Variants in CEP85L observed in about 807,000 individuals in gnomAD.
The protein encoded by CEP85L is centrosomal protein of 85 kDa-like.
In CEP85L, 60 loss-of-function variants were observed where a neutral mutation model predicts 100.3. That is an observed-to-expected ratio of 0.60 (90% CI 0.49 to 0.74). The LOEUF is 0.74. CEP85L is among the 30% of genes least tolerant of loss of function. CEP85L has a pLI of 0.00. For synonymous variants in CEP85L, 319 were observed against 322.7 expected (o/e 0.99, Z 0.12); for missense variants, 973 against 936.2 (o/e 1.04, Z -0.51).
At chr6:118,505,129 T>C (rs2114686075) in intron 5 of CEP85L, among the ~76,000 whole-genome samples, 1 of 151,984 alleles carries the variant, frequency 6.6e-6, no homozygotes, top group African/African-American at 2.4e-5. Flanking sequence ...AAAATAAAAT[T>C]CATAAATTTT....
At chr6:118,632,103 C>A (rs1774201798) in intron 2 of CEP85L, among the ~76,000 whole-genome samples, 1 of 152,102 alleles carries the variant, frequency 6.6e-6, no homozygotes, top group Non-Finnish European at 1.5e-5. Flanking sequence ...CATTCTCGTG[C>A]CTCAGCCTCT....
chr6:118,474,786 G>A (rs1367404567), intron 10 of CEP85L, among the ~76,000 whole-genome samples: 2 of 152,216 alleles, frequency 1.3e-5, no homozygotes, highest in African/African-American at 4.8e-5. Flanking sequence ...GCAACAGTGT[G>A]ATGACAAAGC....
chr6:118,562,921 GTGT>G (rs1484392216), intron 3 of CEP85L, among the ~76,000 whole-genome samples: 1 of 152,170 alleles, frequency 6.6e-6, no homozygotes, highest in African/African-American at 2.4e-5. Context: ...ACGTGTAGAA[GTGT>G]TTATCCTCCA....
At chr6:118,549,716 T>C (rs1275561746) in intron 3 of CEP85L, among the ~76,000 whole-genome samples, 2 of 151,916 alleles carry the variant, frequency 1.3e-5, no homozygotes, top group Non-Finnish European at 1.5e-5. Flanking sequence ...ATGTTATTTG[T>C]GCATTTTTAT....
At chr6:118,496,317 T>C (rs932604559) in intron 5 of CEP85L, among the ~76,000 whole-genome samples, 7 of 152,280 alleles carry the variant, frequency 4.6e-5, no homozygotes, top group African/African-American at 1.4e-4. Flanking sequence ...TCATCTCTTA[T>C]ACACAGAAGT....
chr6:118,666,587 G>C (rs1776140664), intron 1 of CEP85L, among the ~76,000 whole-genome samples: 1 of 152,128 alleles, frequency 6.6e-6, no homozygotes, highest in Non-Finnish European at 1.5e-5. Context: ...TAGAAACAGA[G>C]ATAACTACCC....
chr6:118,670,689 T>C (rs1184622926), intron 1 of CEP85L, among the ~76,000 whole-genome samples: 1 of 152,238 alleles, frequency 6.6e-6, no homozygotes. Context: ...ATAGACAGTT[T>C]TGTTTTAAGC....
intron 10 of CEP85L, 119 bp downstream of exon 10, chr6:118,479,752 G>A (rs1773641688): frequency 4.2e-6 from 2 of 479,678 alleles, no homozygotes; most frequent in Non-Finnish European, 7.3e-6. Context: ...CTTTACCTCA[G>A]TGCTATAAAT....
At chr6:118,467,351 T>C (rs1013538439) in intron 12 of CEP85L, among the ~76,000 whole-genome samples, 3 of 151,938 alleles carry the variant, frequency 2.0e-5, no homozygotes, top group African/African-American at 7.3e-5. Context: ...AATAATTAAG[T>C]GGCAGAGAAG....
intron 2 of CEP85L, among the ~76,000 whole-genome samples, chr6:118,595,677 TAA>T (rs1039123642): frequency 1.3e-5 from 2 of 152,230 alleles, no homozygotes; most frequent in Non-Finnish European, 2.9e-5. Flanking sequence ...TGAAGTATAA[TAA>T]GTGTGTAAAT....
intron 5 of CEP85L, among the ~76,000 whole-genome samples, chr6:118,509,964 CT>C (rs1199774759): frequency 6.6e-6 from 1 of 152,020 alleles, no homozygotes; most frequent in Non-Finnish European, 1.5e-5. Flanking sequence ...CTATACTCTC[CT>C]TATGGGCAAA....
chr6:118,703,783 GGAGGT>G (rs985378094), intron 1 of CEP85L, among the ~76,000 whole-genome samples: 1 of 151,962 alleles, frequency 6.6e-6, no homozygotes, highest in African/African-American at 2.4e-5. Context: ...GTGAAGTTGG[GGAGGT>G]GAAAGCTCCA....
rs145050487 is a variant in CEP85L at position 118,566,400 on chromosome 6, T to C, written c.233-84A>G. 4.3e-4 allele frequency: 494 copies of C among 1,145,686 alleles called. 1 individual carries two copies. The African/African-American group carries it at 7.1e-3, about 17-fold the overall frequency. The allele number at this position is 1,145,686 out of a possible 1,614,324, so 71.0% of individuals were successfully genotyped here. The stretch of plus-strand genomic sequence containing the variant: ...AAAATGCAATATGCCAAAAGAAATA[T>C]CTGAACATGGTTTCATAGCACAAGC... On this transcript the variant is annotated intron_variant, in intron 2 of 12. Coordinates refer to ENST00000368491, the MANE Select transcript of CEP85L (RefSeq NM_001042475.3).
chr6:118,496,935 A>G (rs1208382287), intron 5 of CEP85L, among the ~76,000 whole-genome samples: 1 of 152,224 alleles, frequency 6.6e-6, no homozygotes, highest in African/African-American at 2.4e-5. Context: ...AAACATTGGG[A>G]TTTCTGACAT....
intron 6 of CEP85L, among the ~76,000 whole-genome samples, chr6:118,487,022 T>C (rs1774233315): frequency 6.7e-6 from 1 of 150,126 alleles, no homozygotes; most frequent in Non-Finnish European, 1.5e-5. Flanking sequence ...TAGAGAGAAA[T>C]ATAAAAAATA....
rs1781677849 is a variant in CEP85L at position 118,600,299 on chromosome 6, GGGTGTGTGTGTGTGTGTGT to G, written c.232+32135_232+32153del. 2.2e-4 allele frequency among the ~76,000 whole-genome samples: 20 copies of G among 89,012 alleles called. 2 individuals carry two copies. Among genetic ancestry groups the G allele is most frequent in the Middle Eastern group, 0.01 (2 of 192 alleles). The allele number at this position is 89,012 out of a possible 152,430, so 58.4% of individuals were successfully genotyped here. ...ACTGCCTGTCCCTGAGCCTTCCTGGGGGTGTGTGTGTGTGTGTGTGTGTGTGTGTGTGTGTGTGTGTGTG... is the reference window on the plus strand; with the variant it reads ...ACTGCCTGTCCCTGAGCCTTCCTGGGGTGTGTGTGTGTGTGTGTGTGTGTG... On this transcript the variant is annotated intron_variant, in intron 2 of 12. Coordinates refer to ENST00000368491, the MANE Select transcript of CEP85L (RefSeq NM_001042475.3).
intron 1 of CEP85L, among the ~76,000 whole-genome samples, chr6:118,705,534 A>G (rs1460576022): frequency 6.6e-6 from 1 of 152,252 alleles, no homozygotes; most frequent in African/African-American, 2.4e-5. Context: ...GGATCAAGTT[A>G]GCTAGCAAGT....
chr6:118,524,294 A>T (rs1306843940), intron 3 of CEP85L, among the ~76,000 whole-genome samples: 1 of 151,996 alleles, frequency 6.6e-6, no homozygotes, highest in Non-Finnish European at 1.5e-5. Context: ...AATACAAAAA[A>T]TTAGCCAGGC....
At chr6:118,487,219 A>G (rs990101917) in intron 6 of CEP85L, among the ~76,000 whole-genome samples, 3 of 152,162 alleles carry the variant, frequency 2.0e-5, no homozygotes, top group Non-Finnish European at 4.4e-5. Flanking sequence ...AGATCCTGAT[A>G]CCAGAAACAA....
Sources: gnomAD v4.1 joint callset for allele counts (sites outside exome capture counted in the v4.1 genomes callset) on GRCh38, gnomAD v4.1.1 for gene constraint, MANE v1.5 for transcripts, NCBI Gene and HGNC (gene_info 2026-07-23, HGNC 2026-07-21) for gene names.